SPAG16: variants seen among roughly 807,000 people sequenced by gnomAD.
SPAG16 encodes the protein sperm associated antigen 16.
SPAG16 carries 86 observed loss-of-function variants against 80.4 expected under a neutral mutation model. The ratio of observed to expected loss-of-function variants is 1.07; its 90% CI spans 0.90 to 1.28. The LOEUF is 1.28. SPAG16 is among the 50% of genes most tolerant of loss of function. The pLI is 0.00. For synonymous variants in SPAG16, 294 were observed against 265.9 expected, an observed-to-expected ratio of 1.11 and a Z score of -1.03; for missense variants, 870 against 765.3, an observed-to-expected ratio of 1.14 and a Z score of -1.61.
At chr2:213,927,986 C>CA (rs2078565116) in intron 11 of SPAG16, among the ~76,000 whole-genome samples, 2 of 152,130 alleles carry the variant, frequency 1.3e-5, no homozygotes, top group African/African-American at 2.4e-5. Flanking sequence ...TATGTGCAAA[C>CA]CAACTATTGT....
At chr2:213,718,315 T>G (rs975432117) in intron 10 of SPAG16, among the ~76,000 whole-genome samples, 2 of 152,058 alleles carry the variant, frequency 1.3e-5, no homozygotes, top group Admixed American at 1.3e-4. Context: ...TACTGAGAGG[T>G]GACAGCATGC....
chr2:214,261,325 CCCA>C (rs1691162487), intron 15 of SPAG16, among the ~76,000 whole-genome samples: 1 of 151,922 alleles, frequency 6.6e-6, no homozygotes, highest in Non-Finnish European at 1.5e-5. Context: ...CCCTGGAATT[CCCA>C]ATACTGATGC....
intron 10 of SPAG16, among the ~76,000 whole-genome samples, chr2:213,533,630 G>T (rs1034061349): frequency 2.0e-5 from 3 of 151,876 alleles, no homozygotes; most frequent in Non-Finnish European, 4.4e-5. Context: ...ATTAATGTGG[G>T]ATTATTTCAC....
At chr2:213,849,855 C>G (rs2105904597) in intron 10 of SPAG16, among the ~76,000 whole-genome samples, 1 of 152,220 alleles carries the variant, frequency 6.6e-6, no homozygotes, top group South Asian at 2.1e-4. Flanking sequence ...TTATAAATTG[C>G]TGAAACATGA....
intron 15 of SPAG16, among the ~76,000 whole-genome samples, chr2:214,244,723 G>A (rs1321897190): frequency 1.3e-5 from 2 of 151,804 alleles, no homozygotes; most frequent in Non-Finnish European, 2.9e-5. Context: ...TGCTCCATTG[G>A]TTTAAATAAA....
rs766765583 is a variant in SPAG16 at position 214,272,607 on chromosome 2, CA to C, written c.1720+123344del. On this transcript the variant is annotated intron_variant, in intron 15 of 15. Transcript: ENST00000331683. The stretch of plus-strand genomic sequence containing the variant: ...GTTTCCAGCTTCATCCATGTCCCTG[CA>C]AAGGACATGAACTCATCCTTTTTTA... Among the ~76,000 whole-genome samples, 49 of 152,294 alleles carry C rather than the reference CA, an allele frequency of 3.2e-4. No individual in the cohort carries two copies. The East Asian group carries it at 9.1e-3, about 28-fold the overall frequency.
At chr2:213,945,808 C>A (rs2079427546) in intron 12 of SPAG16, among the ~76,000 whole-genome samples, 1 of 152,150 alleles carries the variant, frequency 6.6e-6, no homozygotes, top group East Asian at 1.9e-4. Context: ...GATTTCCCAG[C>A]CTCCAGAACT....
chr2:213,753,254 C>T (rs1448061117), intron 10 of SPAG16, among the ~76,000 whole-genome samples: 3 of 152,158 alleles, frequency 2.0e-5, no homozygotes, highest in Non-Finnish European at 4.4e-5. Context: ...CCTCGTGATC[C>T]GCCTGCCTCG....
chr2:213,913,708 C>CAT (rs565119377), intron 11 of SPAG16, among the ~76,000 whole-genome samples: 2 of 150,412 alleles, frequency 1.3e-5, no homozygotes, highest in Non-Finnish European at 2.9e-5. Flanking sequence ...TGTGTGTATG[C>CAT]ATATATATAC....
intron 9 of SPAG16, among the ~76,000 whole-genome samples, chr2:213,442,224 A>G (rs2071015113): frequency 6.6e-6 from 1 of 152,248 alleles, no homozygotes; most frequent in South Asian, 2.1e-4. Context: ...TCTAAATCTA[A>G]TAAAATATGC....
intron 15 of SPAG16, among the ~76,000 whole-genome samples, chr2:214,253,742 C>A (rs1371676825): frequency 1.3e-5 from 2 of 152,108 alleles, no homozygotes; most frequent in Admixed American, 6.6e-5. Context: ...TAGAGTGATG[C>A]CTCCAGCTTT....
chr2:214,312,353 A>C (rs184801973), intron 15 of SPAG16, among the ~76,000 whole-genome samples: 1 of 152,374 alleles, frequency 6.6e-6, no homozygotes, highest in East Asian at 1.9e-4. Flanking sequence ...AGTATACTTT[A>C]GTTTCATGCA....
intron 7 of SPAG16, among the ~76,000 whole-genome samples, chr2:213,361,327 T>C (rs1336706150): frequency 1.3e-5 from 2 of 151,570 alleles, no homozygotes; most frequent in African/African-American, 4.8e-5. Flanking sequence ...ATTTTATCTT[T>C]TTTAGATCAT....
intron 6 of SPAG16, among the ~76,000 whole-genome samples, chr2:213,350,146 A>G (rs2065246128): frequency 1.3e-5 from 2 of 152,126 alleles, no homozygotes; most frequent in African/African-American, 4.8e-5. Flanking sequence ...TGTGAATGAC[A>G]CTCCATGTTT....
chr2:213,624,127 AC>A (rs1275274654), intron 10 of SPAG16, among the ~76,000 whole-genome samples: 4 of 152,150 alleles, frequency 2.6e-5, no homozygotes, highest in Non-Finnish European at 5.9e-5. Flanking sequence ...TACAGAAAAA[AC>A]ATCTGCATTC....
At chr2:214,285,107 T>A (rs1458884976) in intron 15 of SPAG16, among the ~76,000 whole-genome samples, 1 of 152,174 alleles carries the variant, frequency 6.6e-6, no homozygotes. Context: ...GTACAAAGGT[T>A]CTCTTTCCTC....
intron 15 of SPAG16, among the ~76,000 whole-genome samples, chr2:214,202,370 G>C (rs1384888741): frequency 6.6e-6 from 1 of 152,054 alleles, no homozygotes; most frequent in Non-Finnish European, 1.5e-5. Flanking sequence ...AACATGGGAG[G>C]GTTGCTGATG....
At chr2:214,262,371 G>T (rs570826715) in intron 15 of SPAG16, among the ~76,000 whole-genome samples, 40 of 151,948 alleles carry the variant, frequency 2.6e-4, no homozygotes, top group African/African-American at 9.6e-4. Context: ...TACTATAATT[G>T]ATTTCAGCTT....
At chr2:213,702,838 A>G (rs1241841016) in intron 10 of SPAG16, among the ~76,000 whole-genome samples, 3 of 152,168 alleles carry the variant, frequency 2.0e-5, no homozygotes, top group Non-Finnish European at 2.9e-5. Context: ...GGCATGGAAA[A>G]CAACAAGCTG....
Sources: allele counts gnomAD v4.1 joint callset (sites outside exome capture counted in the v4.1 genomes callset), GRCh38; gene constraint gnomAD v4.1.1; transcripts MANE v1.5; gene names NCBI Gene and HGNC (gene_info 2026-07-23, HGNC 2026-07-21).